Variants in OLFM3 observed in about 807,000 individuals in gnomAD.
The protein encoded by OLFM3 is noelin-3.
Under a neutral mutation model 48.6 loss-of-function variants are expected in OLFM3, and 20 were observed. The ratio of observed to expected loss-of-function variants is 0.41; its 90% CI spans 0.29 to 0.60. The LOEUF is 0.60. OLFM3 is among the 20% of genes least tolerant of loss of function. The pLI is 0.28. For synonymous variants in OLFM3, 222 were observed against 198.1 expected, an observed-to-expected ratio of 1.12 and a Z score of -1.01; for missense variants, 437 against 544.3, an observed-to-expected ratio of 0.80 and a Z score of 1.96.
Position 101,853,111 on chromosome 1 carries a change from C to T in OLFM3, c.70-16086G>A, listed in dbSNP as rs76209844. Among the ~76,000 whole-genome samples, 76 of 152,168 alleles carry T rather than the reference C, an allele frequency of 5.0e-4. No individual in the cohort carries two copies. The East Asian group carries it at 0.013, about 26-fold the overall frequency. The stretch of plus-strand genomic sequence containing the variant: ...TTCCCATCTTTCTCATGGTGAAGGT[C>T]AAAATATTTAGCTTGCACTATAAAG... On this transcript the variant is annotated intron_variant, in intron 1 of 5. Transcript: ENST00000370103.
intron 1 of OLFM3, among the ~76,000 whole-genome samples, chr1:101,937,369 T>C (rs574197558): frequency 6.6e-6 from 1 of 152,298 alleles, no homozygotes; most frequent in East Asian, 1.9e-4. Flanking sequence ...TCTTTCTTCC[T>C]GAAATGCTCC....
At chr1:101,957,288 C>T (rs1388183706) in intron 1 of OLFM3, among the ~76,000 whole-genome samples, 1 of 151,934 alleles carries the variant, frequency 6.6e-6, no homozygotes, top group Non-Finnish European at 1.5e-5. Context: ...GATTGTTTGA[C>T]ATTTTGTCCT....
At chr1:101,821,043 A>T (rs952224612) in intron 4 of OLFM3, among the ~76,000 whole-genome samples, 2 of 152,024 alleles carry the variant, frequency 1.3e-5, no homozygotes, top group Non-Finnish European at 2.9e-5. Flanking sequence ...TTTTGGAACA[A>T]CTGAACCCCT....
intron 1 of OLFM3, among the ~76,000 whole-genome samples, chr1:101,909,065 C>A (rs1442896915): frequency 1.3e-5 from 2 of 152,136 alleles, no homozygotes; most frequent in Non-Finnish European, 2.9e-5. Context: ...CTTTGCTTAC[C>A]TTCTTTCTTT....
At chr1:101,905,909 C>G (rs1283262421) in intron 1 of OLFM3, among the ~76,000 whole-genome samples, 1 of 152,128 alleles carries the variant, frequency 6.6e-6, no homozygotes, top group African/African-American at 2.4e-5. Flanking sequence ...ATGATCTACT[C>G]TTATTGTATT....
At chr1:101,939,442 G>A (rs1251454333) in intron 1 of OLFM3, among the ~76,000 whole-genome samples, 1 of 152,078 alleles carries the variant, frequency 6.6e-6, no homozygotes, top group African/African-American at 2.4e-5. Context: ...TACACAGTGT[G>A]TGCCCTCAAG....
intron 1 of OLFM3, among the ~76,000 whole-genome samples, chr1:101,934,633 C>G (rs1260790489): frequency 2.6e-5 from 4 of 152,050 alleles, no homozygotes; most frequent in Non-Finnish European, 5.9e-5. Flanking sequence ...TAACAGACAT[C>G]TACAGACTCT....
At chr1:101,862,165 T>C (rs1373818178) in intron 1 of OLFM3, among the ~76,000 whole-genome samples, 1 of 152,178 alleles carries the variant, frequency 6.6e-6, no homozygotes, top group Non-Finnish European at 1.5e-5. Context: ...GAAAAACCCT[T>C]ATCTGAAATT....
intron 1 of OLFM3, among the ~76,000 whole-genome samples, chr1:101,853,058 A>G (rs1008763727): frequency 6.6e-6 from 1 of 152,076 alleles, no homozygotes; most frequent in East Asian, 1.9e-4. Context: ...TAAAATATAA[A>G]TCAAATTATG....
intron 1 of OLFM3, among the ~76,000 whole-genome samples, chr1:101,875,915 T>C (rs17431646): frequency 0.2 from 30,191 of 152,024 alleles, 3,343 homozygotes; most frequent in Non-Finnish European, 0.26. Context: ...GATTTAACTT[T>C]CCTTGAAGAA....
chr1:101,909,287 C>T (rs1355456758), intron 1 of OLFM3, among the ~76,000 whole-genome samples: 2 of 152,220 alleles, frequency 1.3e-5, no homozygotes, highest in Non-Finnish European at 2.9e-5. Context: ...TCCTGAATTC[C>T]TCAAGACATT....
intron 3 of OLFM3, among the ~76,000 whole-genome samples, chr1:101,829,984 A>G (rs916554231): frequency 2.8e-4 from 43 of 151,398 alleles, no homozygotes; most frequent in Non-Finnish European, 4.0e-4. Flanking sequence ...ACAGGCGCCC[A>G]CCACCACACC....
chr1:101,901,153 C>A (rs1209626583), intron 1 of OLFM3, among the ~76,000 whole-genome samples: 3 of 126,474 alleles, frequency 2.4e-5, no homozygotes, highest in Admixed American at 2.1e-4. Context: ...AAGACCAGCA[C>A]CCCTGCTGGT....
At chr1:101,986,333 G>A (rs1199205418) in intron 1 of OLFM3, among the ~76,000 whole-genome samples, 1 of 152,018 alleles carries the variant, frequency 6.6e-6, no homozygotes, top group Non-Finnish European at 1.5e-5. Context: ...AGAGCATTTG[G>A]TGGTTCAACA....
At chr1:101,984,247 CAAAAAA>C (rs11313941) in intron 1 of OLFM3, among the ~76,000 whole-genome samples, 1 of 89,658 alleles carries the variant, frequency 1.1e-5, no homozygotes, top group African/African-American at 4.3e-5. Flanking sequence ...GACTCTGTCT[CAAAAAA>C]AAAAAAAAAA....
At chr1:101,847,451 A>T (rs1353045033) in intron 1 of OLFM3, among the ~76,000 whole-genome samples, 1 of 152,180 alleles carries the variant, frequency 6.6e-6, no homozygotes, top group Non-Finnish European at 1.5e-5. Flanking sequence ...CTGGGCAAGG[A>T]CAGAGTGCTT....
chr1:101,910,940 T>A (rs191002522), intron 1 of OLFM3, among the ~76,000 whole-genome samples: 58 of 152,312 alleles, frequency 3.8e-4, no homozygotes, highest in African/African-American at 1.4e-3. Flanking sequence ...CATTTTTTTT[T>A]AGTCACAATC....
intron 1 of OLFM3, among the ~76,000 whole-genome samples, chr1:101,909,034 T>C (rs550382045): frequency 1.4e-4 from 22 of 152,352 alleles, no homozygotes; most frequent in African/African-American, 5.0e-4. Flanking sequence ...CCCACCTTCA[T>C]ATTTTTGTGT....
chr1:101,901,645 A>C (rs1279616156), intron 1 of OLFM3, among the ~76,000 whole-genome samples: 1 of 152,068 alleles, frequency 6.6e-6, no homozygotes, highest in Non-Finnish European at 1.5e-5. Context: ...CCTGAACTAG[A>C]ATAAAGGAAG....
Sources: allele counts gnomAD v4.1 joint callset (sites outside exome capture counted in the v4.1 genomes callset), GRCh38; gene constraint gnomAD v4.1.1; transcripts MANE v1.5; gene names NCBI Gene and HGNC (gene_info 2026-07-23, HGNC 2026-07-21).